Variants in SLC12A6 observed in about 807,000 individuals in gnomAD.
The protein encoded by SLC12A6 is solute carrier family 12 member 6.
A neutral mutation model predicts 135.3 loss-of-function variants in SLC12A6; 66 were observed. The observed-to-expected ratio is 0.49, with a 90% CI of 0.40 to 0.60. The LOEUF (loss-of-function observed/expected upper bound fraction) is 0.60, where lower values mean the gene tolerates loss of function less well. SLC12A6 is among the 20% of genes least tolerant of loss of function. The pLI is 0.00. For missense variants in SLC12A6, 1,058 were observed against 1,452.3 expected (o/e 0.73, Z 4.41); for synonymous variants, 513 against 508.8 (o/e 1.01, Z -0.11).
chr15:34,314,618 T>C (rs1182862475), intron 2 of SLC12A6: 3 of 152,530 alleles, frequency 2.0e-5, no homozygotes, highest in East Asian at 1.9e-4. Flanking sequence ...CTGCCATAGA[T>C]AGTGATTCCT....
At position 34,336,755 on chromosome 15, in the gene SLC12A6, G is replaced by T; in HGVS notation, c.-72-3C>A. On this transcript the variant is annotated splice_region_variant and splice_polypyrimidine_tract_variant and intron_variant, in intron 1 of 25. Transcript: ENST00000354181. ...CCTCTTACGCTAGCTACTTTTGACT[G>T]CAATACAAAAGATAACTTGAAAAAT... The T allele has an allele frequency of 2.6e-6, 3 of 1,159,052 alleles. No individual in the cohort carries two copies. The highest frequency in any genetic ancestry group is 3.9e-6 in the Non-Finnish European group (3 of 767,812). The allele number at this position is 1,159,052 out of a possible 1,614,324, so 71.8% of individuals were successfully genotyped here. A position where few individuals can be genotyped will look rare whatever the true frequency, so the allele number is the denominator to read the frequency against.
At chr15:34,319,162 C>T (rs918130969) in intron 2 of SLC12A6, among the ~76,000 whole-genome samples, 4 of 145,578 alleles carry the variant, frequency 2.7e-5, no homozygotes, top group East Asian at 2.0e-4. Flanking sequence ...GACAGGGTCT[C>T]GCTCGCCCTG....
chr15:34,251,195 G>C, intron 10 of SLC12A6, 138 bp from the exon 11 acceptor site: 1 of 687,844 alleles, frequency 1.5e-6, no homozygotes, highest in East Asian at 2.7e-5. Flanking sequence ...ATGAGCACAT[G>C]TATACACACA....
intron 4 of SLC12A6, 81 bp from the exon 5 acceptor site, chr15:34,259,025 C>A (rs1404547430): frequency 8.2e-7 from 1 of 1,225,924 alleles, no homozygotes; most frequent in African/African-American, 1.5e-5. Context: ...TACCAGAAAA[C>A]TTCAAATTAA....
chr15:34,303,445 A>C (rs560392084), intron 2 of SLC12A6, among the ~76,000 whole-genome samples: 5 of 152,320 alleles, frequency 3.3e-5, no homozygotes, highest in Middle Eastern at 3.4e-3. Flanking sequence ...TAAACTTTTG[A>C]GACTGCCTTT....
At chr15:34,317,715 T>G (rs1037302421) in intron 2 of SLC12A6, among the ~76,000 whole-genome samples, 36 of 152,104 alleles carry the variant, frequency 2.4e-4, no homozygotes, top group African/African-American at 7.7e-4. Flanking sequence ...AAAACATAAA[T>G]AAAATAAAAT....
At chr15:34,237,201 TAAAC>T (rs1891323687) in intron 22 of SLC12A6, 3 of 499,838 alleles carry the variant, frequency 6.0e-6, no homozygotes, top group South Asian at 2.1e-5. Flanking sequence ...GGCTGTGTAA[TAAAC>T]AAGAAAGCAA....
At chr15:34,247,510 C>G (rs909626981) in intron 13 of SLC12A6, among the ~76,000 whole-genome samples, 3 of 151,778 alleles carry the variant, frequency 2.0e-5, no homozygotes, top group African/African-American at 7.3e-5. Flanking sequence ...GAGCGAGACT[C>G]CATCTAGGGG....
chr15:34,257,549 T>C (rs1430755880), intron 6 of SLC12A6, 93 bp downstream of exon 6: 6 of 920,728 alleles, frequency 6.5e-6, no homozygotes, highest in Non-Finnish European at 1.1e-5. Context: ...CTTCCCTAAG[T>C]ATTCTTTGTT....
chr15:34,260,966 T>G lies in SLC12A6; in HGVS notation c.371A>C (p.Glu124Ala). 6.4e-7 allele frequency: 1 copy of G among 1,571,678 alleles called. No homozygotes were observed. The highest frequency in any genetic ancestry group is 1.1e-5 in the South Asian group (1 of 90,186). Reference sequence around the variant, plus strand: ...ATTTTTATCAAAATATTCATCTCCTTCTTCATAATTGGAATTATTGAGATA... The same window carrying G: ...ATTTTTATCAAAATATTCATCTCCTGCTTCATAATTGGAATTATTGAGATA... ...NAYLNNSNYE[E>A]GDEYFDKNLA... The change falls in exon 4 of 26, where the codon GAA becomes GCA. Residue 124 changes from glutamate (E) to alanine (A), a missense_variant. Glu to Ala is a moderately radical substitution (Grantham distance 107). This residue lies in a region of SLC12A6 where 176 missense variants were observed against 168.9 expected (regional missense o/e 1.04). Transcript: ENST00000354181.
intron 2 of SLC12A6, among the ~76,000 whole-genome samples, chr15:34,326,447 G>A (rs553092730): frequency 6.6e-6 from 1 of 152,278 alleles, no homozygotes; most frequent in African/African-American, 2.4e-5. Context: ...TGTGAGGAAA[G>A]GAAAATGAAA....
rs190611250 is a variant in SLC12A6 at position 34,236,737 on chromosome 15, G to A, written c.3013C>T (p.Arg1005Trp). Residue 1005 changes from arginine to tryptophan, a missense_variant, in exon 23 of 26, where the codon CGG (arginine) becomes TGG (tryptophan). Coordinates refer to ENST00000354181, the MANE Select transcript of SLC12A6 (RefSeq NM_001365088.1). Reference protein sequence around the residue: ...EQRSQMLRHMRLSKTERDREA... With the variant: ...EQRSQMLRHMWLSKTERDREA... Reference sequence around the variant, plus strand: ...CTGTCTCGCTCTGTTTTGGATAGCCGCATGTGCCGGAGCATCTGGGACCTT... The same window carrying A: ...CTGTCTCGCTCTGTTTTGGATAGCCACATGTGCCGGAGCATCTGGGACCTT... 3.2e-5 allele frequency: 52 copies of A among 1,605,554 alleles called. No homozygotes were observed. The East Asian group carries it at 3.8e-4, about 12-fold the overall frequency.
chr15:34,274,074 C>T (rs1894138873), intron 3 of SLC12A6, among the ~76,000 whole-genome samples: 1 of 152,030 alleles, frequency 6.6e-6, no homozygotes, highest in African/African-American at 2.4e-5. Context: ...ATATTCATTG[C>T]AACACAACTT....
chr15:34,270,551 C>T (rs1352072512), intron 3 of SLC12A6, among the ~76,000 whole-genome samples: 1 of 152,012 alleles, frequency 6.6e-6, no homozygotes, highest in East Asian at 1.9e-4. Flanking sequence ...ACCTCTAATC[C>T]CAGCACTTTG....
chr15:34,333,077 G>C (rs1428211436), intron 2 of SLC12A6, among the ~76,000 whole-genome samples: 1 of 151,898 alleles, frequency 6.6e-6, no homozygotes, highest in Non-Finnish European at 1.5e-5. Flanking sequence ...TTAAAATGTG[G>C]TTTGATCAGA....
At chr15:34,241,070 T>A in intron 18 of SLC12A6, 163 bp downstream of exon 18, 1 of 663,350 alleles carries the variant, frequency 1.5e-6, no homozygotes, top group Non-Finnish European at 2.7e-6. Context: ...ATAAACGACA[T>A]GAAGAAAAGG....
chr15:34,272,839 T>C lies in SLC12A6; in HGVS notation c.316+2506A>G, dbSNP rs1031134940. Among the ~76,000 whole-genome samples, 10 of 152,206 alleles carry C rather than the reference T, an allele frequency of 6.6e-5. No homozygotes were observed. The East Asian group carries it at 1.9e-3, about 29-fold the overall frequency. On this transcript the variant is annotated intron_variant, in intron 3 of 25. Transcript: ENST00000354181. ...CATTTCACTAGCTAAGCTGCCTCCATTGTACATGTGTTCCTGATAATGAAC... is the reference window on the plus strand; with the variant it reads ...CATTTCACTAGCTAAGCTGCCTCCACTGTACATGTGTTCCTGATAATGAAC...
intron 2 of SLC12A6, among the ~76,000 whole-genome samples, chr15:34,286,728 G>A (rs1215973526): frequency 1.3e-5 from 2 of 152,000 alleles, no homozygotes; most frequent in Non-Finnish European, 2.9e-5. Flanking sequence ...CCTGGCAGGC[G>A]GAGGTTGCAG....
At position 34,275,229 on chromosome 15, in the gene SLC12A6, T is replaced by C. The variant is rs947426719; in HGVS notation, c.316+116A>G. 4 of 621,060 alleles carry C rather than the reference T, an allele frequency of 6.4e-6. No individual in the cohort carries two copies. The Admixed American group carries it at 7.4e-5, about 12-fold the overall frequency. 38.5% of individuals were successfully genotyped at this position (621,060 alleles called of 1,614,324 possible). ...AAACAGCAGGAAAAAAGTTGTTGGG[T>C]GGGAAGTAGAAAAGGAGGGGATAGA... On this transcript the variant is annotated intron_variant, in intron 3 of 25. Transcript: ENST00000354181.
Sources: gnomAD v4.1 joint callset for allele counts (sites outside exome capture counted in the v4.1 genomes callset) on GRCh38, gnomAD v4.1.1 for gene constraint, gnomAD v4.1.1 regional missense constraint, MANE v1.5 for transcripts, NCBI Gene and HGNC (gene_info 2026-07-23, HGNC 2026-07-21) for gene names.